Variants in FMN2 observed in about 807,000 individuals in gnomAD.
FMN2 encodes formin 2, also known as formin-2.
Under a neutral mutation model 142.3 loss-of-function variants are expected in FMN2, and 51 were observed. The ratio of observed to expected loss-of-function variants is 0.36; its 90% CI spans 0.29 to 0.45. FMN2 has a LOEUF of 0.45. Among genes scored for constraint, FMN2 ranks in the 20% least tolerant of loss-of-function variants. The pLI is 1.00. For synonymous variants in FMN2, 882 were observed against 869.8 expected, an observed-to-expected ratio of 1.01 and a Z score of -0.25; for missense variants, 1,936 against 2,122.8, an observed-to-expected ratio of 0.91 and a Z score of 1.73.
chr1:240,093,379 C>T lies in FMN2; in HGVS notation c.1270C>T (p.Arg424Trp). The T allele has an allele frequency of 6.2e-7, 1 of 1,613,466 alleles. No homozygotes were observed. The highest frequency in any genetic ancestry group is 8.5e-7 in the Non-Finnish European group (1 of 1,179,720). The change falls in exon 1 of 18, where the codon CGG becomes TGG. Residue 424 changes from arginine to tryptophan, a missense_variant. Coordinates refer to ENST00000319653, the MANE Select transcript of FMN2 (RefSeq NM_020066.5). ...ITPCYIKTTT[R>W]QLSSPNHSPS... ...CCCCTGCTACATCAAGACCACCACC[C>T]GGCAGCTCAGCTCGCCCAATCACTC...
At position 240,208,068 on chromosome 1, in the gene FMN2, C is replaced by G. The variant is rs750585692; in HGVS notation, c.3256C>G (p.Pro1086Ala). ...GCCCCCACTTCCCGGAGCGGGCATA[C>G]CCCCACCTCCCCCTCTACCCGGAGC... Reference protein sequence around the residue: ...PPPPLPGAGIPPPPPLPGAGI... With the variant: ...PPPPLPGAGIAPPPPLPGAGI... The change falls in exon 5 of 18, where the codon CCC (proline) becomes GCC (alanine). Residue 1086 changes from proline (P) to alanine (A), a missense_variant. Around this residue, in one of 8 missense-constraint regions of FMN2, gnomAD observed 56 missense variants for 111.8 expected, o/e 0.50. Transcript: ENST00000319653. 13 of 642,590 alleles carry G rather than the reference C, an allele frequency of 2.0e-5. No individual in the cohort carries two copies. In the South Asian group the frequency reaches 2.1e-4, roughly 10 times the overall value. The allele number at this position is 642,590 out of a possible 1,614,324, so 39.8% of individuals were successfully genotyped here. A position where few individuals can be genotyped will look rare whatever the true frequency, so the allele number is the denominator to read the frequency against.
chr1:240,213,131 G>A (rs1449874668), intron 6 of FMN2, among the ~76,000 whole-genome samples: 2 of 152,070 alleles, frequency 1.3e-5, no homozygotes, highest in Non-Finnish European at 2.9e-5. Flanking sequence ...TGGCATGAAG[G>A]GGTCTCAGCA....
At chr1:240,309,618 C>T (rs973391194) in intron 8 of FMN2, among the ~76,000 whole-genome samples, 3 of 152,106 alleles carry the variant, frequency 2.0e-5, no homozygotes, top group African/African-American at 7.2e-5. Flanking sequence ...ACACCCACAC[C>T]GCTGACCAAT....
At chr1:240,342,479 G>A (rs1249227743) in intron 13 of FMN2, among the ~76,000 whole-genome samples, 1 of 152,128 alleles carries the variant, frequency 6.6e-6, no homozygotes, top group African/African-American at 2.4e-5. Flanking sequence ...CTGCTCTTAA[G>A]TATATCATGT....
chr1:240,226,061 C>T (rs1469503252), intron 6 of FMN2, among the ~76,000 whole-genome samples: 1 of 151,978 alleles, frequency 6.6e-6, no homozygotes, highest in African/African-American at 2.4e-5. Context: ...TGGGGGTACA[C>T]CACTAAGGGA....
rs71792127 is a variant in FMN2, at chr1:240,220,667, TTGTG to T, written c.4065+9458_4065+9461del. Among the ~76,000 whole-genome samples, 339 of 148,952 alleles carry T rather than the reference TTGTG, an allele frequency of 2.3e-3. 1 individual carries two copies. The highest frequency in any genetic ancestry group is 5.5e-3 in the African/African-American group (224 of 40,468). On this transcript the variant is annotated intron_variant, in intron 6 of 17. Coordinates refer to ENST00000319653, the MANE Select transcript of FMN2 (RefSeq NM_020066.5). ...AAGCTTCACTGGCATGAGTCTGTGT[TTGTG>T]TGTGTGTGTGTGTGTGTGTGTGTGT...
chr1:240,106,215 C>A (rs1661601962), intron 1 of FMN2, among the ~76,000 whole-genome samples: 1 of 152,058 alleles, frequency 6.6e-6, no homozygotes, highest in African/African-American at 2.4e-5. Context: ...TTTTAGACAC[C>A]TTCATATGAT....
In FMN2 at chr1:240,361,744, A is replaced by G. The variant is rs138279111; in HGVS notation, c.4858+5836A>G. ...TGTGGGTATATGAGCTGAACTTGGC[A>G]TAGAGATCTGAGATTGAGGATTGGA... On this transcript the variant is annotated intron_variant, in intron 14 of 17. Coordinates refer to ENST00000319653, the MANE Select transcript of FMN2 (RefSeq NM_020066.5). Among the ~76,000 whole-genome samples, 166 of 152,328 alleles carry G rather than the reference A, an allele frequency of 1.1e-3. No individual in the cohort carries two copies. The Middle Eastern group carries it at 0.034, about 31-fold the overall frequency.
chr1:240,463,534 G>A (rs1370942707), intron 16 of FMN2, among the ~76,000 whole-genome samples: 1 of 152,114 alleles, frequency 6.6e-6, no homozygotes, highest in Non-Finnish European at 1.5e-5. Flanking sequence ...ATTACAAAGT[G>A]GAAAATTCCT....
At chr1:240,426,407 C>T (rs1471113461) in intron 15 of FMN2, among the ~76,000 whole-genome samples, 1 of 152,150 alleles carries the variant, frequency 6.6e-6, no homozygotes, top group East Asian at 1.9e-4. Flanking sequence ...ATTCTACCCT[C>T]TTAAAAATAT....
At chr1:240,178,733 C>A (rs1310304005) in intron 3 of FMN2, among the ~76,000 whole-genome samples, 1 of 152,092 alleles carries the variant, frequency 6.6e-6, no homozygotes, top group East Asian at 1.9e-4. Context: ...CGCACCTGGG[C>A]TTTTCTTCAT....
At chr1:240,201,044 C>T (rs1666104442) in intron 4 of FMN2, among the ~76,000 whole-genome samples, 1 of 152,098 alleles carries the variant, frequency 6.6e-6, no homozygotes, top group Non-Finnish European at 1.5e-5. Flanking sequence ...ATTTGAAAAC[C>T]TTTGAAGCTT....
chr1:240,168,679 G>C lies in FMN2; in HGVS notation c.1783-9242G>C, dbSNP rs191763338. 2.0e-5 allele frequency among the ~76,000 whole-genome samples: 3 copies of C among 152,064 alleles called. No individual in the cohort carries two copies. The East Asian group carries it at 5.8e-4, about 29-fold the overall frequency. The stretch of plus-strand genomic sequence containing the variant: ...ACCTAGTCCAAAAAGTATTTACAAT[G>C]ATTAGGAAAAAAAGATATAGTAAGA... On this transcript the variant is annotated intron_variant, in intron 2 of 17. Coordinates refer to ENST00000319653, the MANE Select transcript of FMN2 (RefSeq NM_020066.5).
intron 6 of FMN2, among the ~76,000 whole-genome samples, chr1:240,233,940 A>G (rs940892894): frequency 6.6e-6 from 1 of 152,188 alleles, no homozygotes; most frequent in African/African-American, 2.4e-5. Flanking sequence ...ATGATGGTCT[A>G]TATTTCATAG....
At chr1:240,131,064 C>G (rs537459499) in intron 2 of FMN2, among the ~76,000 whole-genome samples, 6 of 152,282 alleles carry the variant, frequency 3.9e-5, no homozygotes, top group East Asian at 3.9e-4. Flanking sequence ...GCTCCACAGT[C>G]AAAGTGTCCA....
Position 240,384,675 on chromosome 1 carries a change from A to G in FMN2, c.4859-7836A>G, listed in dbSNP as rs553719302. On this transcript the variant is annotated intron_variant, in intron 14 of 17. Transcript: ENST00000319653. ...GATAGGCAAATGGATGTTTCACTTA[A>G]CTGTACTCATAACTAATTTGCCAGT... is the stretch of plus-strand genomic sequence containing the variant. 5.3e-5 allele frequency among the ~76,000 whole-genome samples: 8 copies of G among 152,190 alleles called. No individual in the cohort carries two copies. In the East Asian group the frequency reaches 1.6e-3, roughly 29 times the overall value.
chr1:240,256,417 C>T (rs371495370), intron 6 of FMN2, among the ~76,000 whole-genome samples: 8 of 151,870 alleles, frequency 5.3e-5, no homozygotes, highest in Non-Finnish European at 8.8e-5. Flanking sequence ...TGGGAGATAT[C>T]GTGCCTTACC....
chr1:240,334,276 T>G, intron 13 of FMN2, 47 bp downstream of exon 13: 1 of 1,530,454 alleles, frequency 6.5e-7, no homozygotes, highest in Non-Finnish European at 8.7e-7. Flanking sequence ...GCTTTTTTAA[T>G]GAGAGAAGGC....
intron 7 of FMN2, among the ~76,000 whole-genome samples, chr1:240,261,885 G>T (rs975843949): frequency 1.3e-5 from 2 of 152,082 alleles, no homozygotes; most frequent in Non-Finnish European, 2.9e-5. Context: ...TCACCCTGTG[G>T]TTTATAGTAA....
Sources: allele counts gnomAD v4.1 joint callset (sites outside exome capture counted in the v4.1 genomes callset), GRCh38; gene constraint gnomAD v4.1.1; regional missense constraint gnomAD v4.1.1; transcripts MANE v1.5; gene names NCBI Gene and HGNC (gene_info 2026-07-23, HGNC 2026-07-21).